Variants in IGSF5 observed in about 807,000 individuals in gnomAD.
IGSF5 encodes the protein immunoglobulin superfamily 5 like.
A neutral mutation model predicts 39.4 loss-of-function variants in IGSF5; 41 were observed. That is an observed-to-expected ratio of 1.04 (90% confidence interval 0.81 to 1.35). The LOEUF (loss-of-function observed/expected upper bound fraction) is 1.35, where lower values mean the gene tolerates loss of function less well. Among genes scored for constraint, IGSF5 ranks in the 40% most tolerant of loss-of-function variants. The pLI is 0.00. For synonymous variants in IGSF5, 183 were observed against 175.3 expected (o/e 1.04, Z -0.34); for missense variants, 487 against 494.6 (o/e 0.98, Z 0.15).
At chr21:39,733,630 A>G in the IGSF5 span, among the ~76,000 whole-genome samples, 1 of 152,208 alleles carries the variant, frequency 6.6e-6, no homozygotes, top group Non-Finnish European at 1.5e-5. Context: ...CACAATTAGA[A>G]AGCTTAAAAC....
chr21:39,723,882 C>T, the IGSF5 span, among the ~76,000 whole-genome samples: 2 of 152,028 alleles, frequency 1.3e-5, no homozygotes, highest in Non-Finnish European at 2.9e-5. Context: ...CATGGTGGCT[C>T]ATGCCTGTAA....
At chr21:39,773,478 C>CTGTTTTTTTCCTT (rs146378153) in intron 4 of IGSF5, among the ~76,000 whole-genome samples, 1 of 143,960 alleles carries the variant, frequency 6.9e-6, no homozygotes, top group African/African-American at 2.8e-5. Context: ...TCTTCCTTTT[C>CTGTTTTTTTCCTT]TTTTTTTTTC....
chr21:39,771,127 T>A lies in IGSF5; in HGVS notation c.630T>A (p.Asn210Lys), dbSNP rs1419565809. 8.1e-6 allele frequency: 13 copies of A among 1,612,000 alleles called. No homozygotes were observed. Among genetic ancestry groups the A allele is most frequent in the Non-Finnish European group, 1.1e-5 (13 of 1,179,002 alleles). The stretch of plus-strand genomic sequence containing the variant: ...TCCTGGCTCTGACCCCACAGAGCAA[T>A]GGGACTTTGACTTGCGTGGCTACCT... ...VSILALTPQSNGTLTCVATWK... is the reference protein window; with the variant it reads ...VSILALTPQSKGTLTCVATWK... The change falls in exon 4 of 9, where the codon AAT becomes AAA. Residue 210 changes from asparagine to lysine, a missense_variant. Transcript: ENST00000380588.
At chr21:39,787,231 A>C (rs561669001) in intron 5 of IGSF5, among the ~76,000 whole-genome samples, 6 of 152,344 alleles carry the variant, frequency 3.9e-5, no homozygotes, top group African/African-American at 1.4e-4. Context: ...GAGGGCATTC[A>C]TCTCTTACCT....
At chr21:39,718,307 G>C in the IGSF5 span, among the ~76,000 whole-genome samples, 1 of 152,184 alleles carries the variant, frequency 6.6e-6, no homozygotes, top group African/African-American at 2.4e-5. Flanking sequence ...AGATAAGTTT[G>C]ACTTCCTCTC....
the IGSF5 span, among the ~76,000 whole-genome samples, chr21:39,721,769 T>C: frequency 6.6e-6 from 1 of 151,802 alleles, no homozygotes; most frequent in African/African-American, 2.4e-5. Context: ...CTTTCTTCTT[T>C]CCATCCATCC....
the IGSF5 span, chr21:39,729,547 T>C: frequency 6.6e-6 from 1 of 152,222 alleles, no homozygotes; most frequent in Non-Finnish European, 1.5e-5. Context: ...CACATTGTAG[T>C]CTCTGACTTC....
chr21:39,728,634 A>G, the IGSF5 span, among the ~76,000 whole-genome samples: 17 of 152,150 alleles, frequency 1.1e-4, no homozygotes, highest in African/African-American at 3.1e-4. Flanking sequence ...TGACCTCTCC[A>G]ATAAACTGCC....
intron 2 of IGSF5, among the ~76,000 whole-genome samples, chr21:39,764,743 A>C (rs1479497518): frequency 6.6e-6 from 1 of 152,186 alleles, no homozygotes; most frequent in Non-Finnish European, 1.5e-5. Context: ...ACCCACAGGG[A>C]TCCCACAACA....
the IGSF5 span, among the ~76,000 whole-genome samples, chr21:39,722,703 T>C: frequency 1.3e-5 from 2 of 152,228 alleles, no homozygotes; most frequent in African/African-American, 4.8e-5. Context: ...TGCTACCTTA[T>C]CTGTATGCTA....
chr21:39,743,630 C>T (rs2079957368), upstream of IGSF5, among the ~76,000 whole-genome samples: 1 of 145,418 alleles, frequency 6.9e-6, no homozygotes, highest in African/African-American at 2.6e-5. Context: ...GGGAAGGAGT[C>T]AGGGGGATGT....
At chr21:39,767,717 T>G (rs779923640) in intron 3 of IGSF5, among the ~76,000 whole-genome samples, 1 of 152,214 alleles carries the variant, frequency 6.6e-6, no homozygotes, top group Non-Finnish European at 1.5e-5. Context: ...GAGTGGATAA[T>G]GCAAGTTGCA....
chr21:39,777,437 C>T (rs927268507), intron 4 of IGSF5, among the ~76,000 whole-genome samples: 5 of 152,166 alleles, frequency 3.3e-5, no homozygotes, highest in Admixed American at 6.5e-5. Context: ...TTCCAGGTGA[C>T]GCTTGGGATT....
At chr21:39,792,675 A>G (rs565612402) in intron 7 of IGSF5, among the ~76,000 whole-genome samples, 36 of 152,300 alleles carry the variant, frequency 2.4e-4, no homozygotes, top group African/African-American at 8.7e-4. Context: ...CTTGAATGTA[A>G]CAGGGAGTTG....
At chr21:39,782,794 T>C (rs1219759460) in intron 5 of IGSF5, among the ~76,000 whole-genome samples, 2 of 152,200 alleles carry the variant, frequency 1.3e-5, no homozygotes, top group Non-Finnish European at 2.9e-5. Flanking sequence ...CCATATTCAC[T>C]TTACAGTGCT....
At chr21:39,773,301 G>A (rs2080123971) in intron 4 of IGSF5, among the ~76,000 whole-genome samples, 1 of 152,128 alleles carries the variant, frequency 6.6e-6, no homozygotes, top group Non-Finnish European at 1.5e-5. Flanking sequence ...TTGCAAAGGA[G>A]ATGATTTTGT....
intron 2 of IGSF5, among the ~76,000 whole-genome samples, chr21:39,759,602 C>A (rs150725672): frequency 0.026 from 3,986 of 152,178 alleles, 182 homozygotes; most frequent in African/African-American, 0.09. Flanking sequence ...TGTGGTGGCT[C>A]ACGCCTGTAA....
the IGSF5 span, among the ~76,000 whole-genome samples, chr21:39,723,899 G>A: frequency 2.0e-5 from 3 of 151,872 alleles, no homozygotes; most frequent in African/African-American, 7.3e-5. Context: ...GTAATCCCAG[G>A]ACTTTGAGAG....
In IGSF5 at chr21:39,746,252, G is replaced by C. The variant is rs892977706; in HGVS notation, c.54G>C (p.Trp18Cys). The C allele has an allele frequency of 2.8e-6, 2 of 701,910 alleles. No homozygotes were observed. Among genetic ancestry groups the C allele is most frequent in the Non-Finnish European group, 5.2e-6 (2 of 384,808 alleles). 43.5% of individuals were successfully genotyped at this position (701,910 alleles called of 1,614,324 possible). ...TADTLPDLEEWKSAAGLRWWQ... is the reference protein window; with the variant it reads ...TADTLPDLEECKSAAGLRWWQ... Reference sequence around the variant, plus strand: ...ATACTCTGCCGGATCTGGAGGAATGGAAGTCAGCGGCGGGTCTGCGATGGT... The same window carrying C: ...ATACTCTGCCGGATCTGGAGGAATGCAAGTCAGCGGCGGGTCTGCGATGGT... Residue 18 changes from tryptophan (W) to cysteine (C), a missense_variant, in exon 2 of 9, where the codon TGG becomes TGC. By Grantham distance (215) the Trp-to-Cys change is radical. Transcript: ENST00000380588.
Sources: allele counts gnomAD v4.1 joint callset (sites outside exome capture counted in the v4.1 genomes callset), GRCh38; gene constraint gnomAD v4.1.1; transcripts MANE v1.5; gene names NCBI Gene and HGNC (gene_info 2026-07-23, HGNC 2026-07-21).